The following SFMBT1 variants were observed in gnomAD, a reference collection of about 807,000 sequenced individuals.
SFMBT1 encodes scm-like with four MBT domains protein 1.
SFMBT1 carries 32 observed loss-of-function variants against 108.7 expected under a neutral mutation model. The observed-to-expected ratio is 0.29, with a 90% confidence interval of 0.22 to 0.40. The LOEUF (loss-of-function observed/expected upper bound fraction) is 0.40. Among genes scored for constraint, SFMBT1 ranks in the 10% least tolerant of loss-of-function variants. SFMBT1 has a pLI of 1.00. For synonymous variants in SFMBT1, 348 were observed against 369.5 expected (o/e 0.94, Z 0.67); for missense variants, 816 against 1,059.6 (o/e 0.77, Z 3.19).
intron 1 of SFMBT1, among the ~76,000 whole-genome samples, chr3:52,983,519 A>G (rs546424686): frequency 1.3e-5 from 2 of 152,282 alleles, no homozygotes; most frequent in South Asian, 4.2e-4. Flanking sequence ...ATGTATGTTG[A>G]ATGAAAACAA....
At chr3:53,009,020 A>G (rs1445784524) in intron 1 of SFMBT1, among the ~76,000 whole-genome samples, 2 of 151,502 alleles carry the variant, frequency 1.3e-5, no homozygotes, top group Non-Finnish European at 1.5e-5. Context: ...CATGCCTGTA[A>G]TCCCAACTAC....
intron 3 of SFMBT1, among the ~76,000 whole-genome samples, chr3:52,946,870 C>T (rs1703385063): frequency 6.6e-6 from 1 of 150,402 alleles, no homozygotes; most frequent in Admixed American, 6.7e-5. Flanking sequence ...CTTTCAGGTT[C>T]AAGTGATTCT....
At chr3:53,020,338 C>T (rs997215475) in intron 1 of SFMBT1, among the ~76,000 whole-genome samples, 7 of 151,802 alleles carry the variant, frequency 4.6e-5, no homozygotes, top group Non-Finnish European at 1.0e-4. Context: ...TGCAGCGAGC[C>T]AAGATCACAC....
At position 52,920,559 on chromosome 3, in the gene SFMBT1, G is replaced by A; in HGVS notation, c.1350C>T (p.Leu450=). ...TACCTCGTGCTCGGCGAGGAGTGCT[G>A]AGGGGGTGGCCGTTGGTTTCACACC... The part of the protein sequence containing the change: ...LGWCETNGHP[L]STPRRARVYK... Residue 450 remains leucine (L), a synonymous_variant, in exon 12 of 21, where the codon CTC becomes CTT. Coordinates refer to ENST00000394752, the MANE Select transcript of SFMBT1 (RefSeq NM_016329.4). 6.2e-7 allele frequency: 1 copy of A among 1,613,876 alleles called. No homozygotes were observed. The highest frequency in any genetic ancestry group is 1.6e-4 in the Middle Eastern group (1 of 6,062).
chr3:52,950,953 A>AAT (rs1256606647), intron 3 of SFMBT1, among the ~76,000 whole-genome samples: 6 of 151,102 alleles, frequency 4.0e-5, no homozygotes, highest in Non-Finnish European at 5.9e-5. Context: ...TCTCTACCAA[A>AAT]ATATATATAT....
rs773287869 is a variant in SFMBT1 at position 52,912,557 on chromosome 3, C to T, written c.1711G>A (p.Gly571Arg). ...ACTCACTTGGCTTTTAGGACTTCCC[C>T]ACATCCGTGCCACACAGAGTCTTTG... ...LDKDSVWHGC[G>R]EVLKAKYKGK... The change falls in exon 16 of 21, where the codon GGG (glycine) becomes AGG (arginine). Residue 571 changes from glycine (G) to arginine (R), a missense_variant. Physicochemically the swap from Gly to Arg is moderately radical, Grantham distance 125 (BLOSUM62 -2). Around this residue, in one of 5 missense-constraint regions of SFMBT1, gnomAD observed 79 missense variants for 120.8 expected, o/e 0.65. Coordinates refer to ENST00000394752, the MANE Select transcript of SFMBT1 (RefSeq NM_016329.4). 15 of 1,614,104 alleles carry T rather than the reference C, an allele frequency of 9.3e-6. No homozygotes were observed. The South Asian group carries it at 1.6e-4, about 18-fold the overall frequency.
At chr3:52,962,375 T>A (rs1703988685) in intron 2 of SFMBT1, among the ~76,000 whole-genome samples, 1 of 152,208 alleles carries the variant, frequency 6.6e-6, no homozygotes, top group Non-Finnish European at 1.5e-5. Flanking sequence ...AAATATGGTA[T>A]ATGTATTCAG....
chr3:52,959,874 G>T (rs997845556), intron 2 of SFMBT1, among the ~76,000 whole-genome samples: 1 of 151,892 alleles, frequency 6.6e-6, no homozygotes, highest in African/African-American at 2.4e-5. Context: ...TGTTGTTGTT[G>T]TTCATTGACG....
In SFMBT1 at chr3:52,906,145, A is replaced by C; in HGVS notation, c.2428T>G (p.Cys810Gly). The change falls in exon 20 of 21, where the codon TGT becomes GGT. Residue 810 changes from cysteine to glycine, a missense_variant. Coordinates refer to ENST00000394752, the MANE Select transcript of SFMBT1 (RefSeq NM_016329.4). ...AGGAATATTCTTGCTAATGGAGCAC[A>C]GTCAGTGGATCTGATGAACCGCACA... ...DVVRFIRSTDCAPLARIFLDQ... is the reference protein window; with the variant it reads ...DVVRFIRSTDGAPLARIFLDQ... 6.2e-7 allele frequency: 1 copy of C among 1,614,188 alleles called. No individual in the cohort carries two copies. The highest frequency in any genetic ancestry group is 8.5e-7 in the Non-Finnish European group (1 of 1,179,988).
intron 11 of SFMBT1, 94 bp downstream of exon 11, chr3:52,921,611 T>C: frequency 7.4e-7 from 1 of 1,345,280 alleles, no homozygotes; most frequent in Non-Finnish European, 1.0e-6. Flanking sequence ...CCTATTTAAC[T>C]AATCCATTAA....
rs1233194256 is a variant in SFMBT1, at chr3:52,918,974, C to T, written c.1373-448G>A. On this transcript the variant is annotated intron_variant, in intron 12 of 20. Coordinates refer to ENST00000394752, the MANE Select transcript of SFMBT1 (RefSeq NM_016329.4). ...GATCATCAGGCATTAGATCGTGCAA[C>T]CTAGATCCCTCACGAGACAGTTCAC... Among the ~76,000 whole-genome samples the T allele has an allele frequency of 3.9e-5, 6 of 152,112 alleles. No individual in the cohort carries two copies. The East Asian group carries it at 1.2e-3, about 29-fold the overall frequency.
At chr3:53,025,738 G>A (rs1441055311) in intron 1 of SFMBT1, among the ~76,000 whole-genome samples, 1 of 152,158 alleles carries the variant, frequency 6.6e-6, no homozygotes, top group Non-Finnish European at 1.5e-5. Context: ...GGTAACTCTA[G>A]CCTCTCTAAA....
At chr3:52,986,147 A>G (rs1704907751) in intron 1 of SFMBT1, among the ~76,000 whole-genome samples, 2 of 28,872 alleles carry the variant, frequency 6.9e-5, no homozygotes, top group Non-Finnish European at 2.5e-4. Flanking sequence ...CGTCTCAGGA[A>G]AAAAAAAAAA....
At chr3:52,907,384 A>C in intron 18 of SFMBT1, 70 bp from the exon 19 acceptor site, 1 of 1,539,626 alleles carries the variant, frequency 6.5e-7, no homozygotes, top group Non-Finnish European at 8.7e-7. Context: ...GATTAAAAAA[A>C]AATAATAAAG....
intron 1 of SFMBT1, among the ~76,000 whole-genome samples, chr3:53,004,251 TCTTTCTCTC>T (rs373314799): frequency 1.1e-4 from 15 of 136,182 alleles, no homozygotes; most frequent in East Asian, 6.4e-4. Context: ...CCTTCTTTCT[TCTTTCTCTC>T]TCTCTCTCTC....
intron 2 of SFMBT1, among the ~76,000 whole-genome samples, chr3:52,965,297 C>A (rs999246072): frequency 1.4e-5 from 2 of 147,388 alleles, no homozygotes; most frequent in African/African-American, 2.5e-5. Context: ...ACAGAAAAAA[C>A]CCAATCTAAA....
chr3:52,990,156 A>G (rs1276995238), intron 1 of SFMBT1, among the ~76,000 whole-genome samples: 1 of 152,248 alleles, frequency 6.6e-6, no homozygotes, highest in Non-Finnish European at 1.5e-5. Context: ...CTCACTCAGG[A>G]AAAACATCAT....
At chr3:52,985,899 T>C (rs1704889866) in intron 1 of SFMBT1, among the ~76,000 whole-genome samples, 2 of 152,064 alleles carry the variant, frequency 1.3e-5, no homozygotes. Flanking sequence ...TCCCAGCACT[T>C]TGGGAGGCCA....
intron 1 of SFMBT1, among the ~76,000 whole-genome samples, chr3:52,976,358 T>C (rs1704519616): frequency 6.6e-6 from 1 of 152,194 alleles, no homozygotes; most frequent in Admixed American, 6.5e-5. Context: ...CAGTTTGTGA[T>C]AAAGAGAGCA....
Sources: gnomAD v4.1 joint callset for allele counts (sites outside exome capture counted in the v4.1 genomes callset) on GRCh38, gnomAD v4.1.1 for gene constraint, gnomAD v4.1.1 regional missense constraint, MANE v1.5 for transcripts, NCBI Gene and HGNC (gene_info 2026-07-23, HGNC 2026-07-21) for gene names.